Variants in SPNS3 observed in about 807,000 individuals in gnomAD.
SPNS3 encodes the protein SPNS lysolipid transporter 3, sphingosine-1-phosphate (putative), also known as protein spinster homolog 3.
In SPNS3, 51 loss-of-function variants were observed where a neutral mutation model predicts 54.4. The ratio of observed to expected loss-of-function variants is 0.94; its 90% CI spans 0.75 to 1.18. SPNS3 has a LOEUF of 1.18. Ranked by LOEUF, SPNS3 falls within the 50% of genes most tolerant of loss-of-function variation. The pLI is 0.00. For synonymous variants in SPNS3, 309 were observed against 294.7 expected (o/e 1.05, Z -0.50); for missense variants, 669 against 677.4 (o/e 0.99, Z 0.14).
At chr17:4,439,635 G>C (rs1398321023) in intron 1 of SPNS3, 23 bp from the exon 2 acceptor site, 5 of 1,609,338 alleles carry the variant, frequency 3.1e-6, no homozygotes, top group Non-Finnish European at 4.2e-6. Context: ...CCCGTTTCCT[G>C]AGCACTGTCC....
At chr17:4,442,158 G>A (rs1352626276) in intron 2 of SPNS3, among the ~76,000 whole-genome samples, 1 of 152,094 alleles carries the variant, frequency 6.6e-6, no homozygotes, top group Non-Finnish European at 1.5e-5. Flanking sequence ...CGGTTACCGT[G>A]CTATGGCCCT....
At chr17:4,459,085 G>A (rs1971424219) in intron 8 of SPNS3, among the ~76,000 whole-genome samples, 1 of 151,946 alleles carries the variant, frequency 6.6e-6, no homozygotes, top group Non-Finnish European at 1.5e-5. Context: ...GCCTTCAAGG[G>A]CCAGCTTACC....
intron 1 of SPNS3, among the ~76,000 whole-genome samples, chr17:4,438,334 G>A (rs1298467719): frequency 6.6e-6 from 1 of 152,204 alleles, no homozygotes; most frequent in Non-Finnish European, 1.5e-5. Context: ...TTCCTCATCT[G>A]TAGAATGGGG....
At chr17:4,446,006 T>C in intron 3 of SPNS3, 42 bp from the exon 4 acceptor site, 1 of 1,562,280 alleles carries the variant, frequency 6.4e-7, no homozygotes, top group Non-Finnish European at 8.7e-7. Context: ...GCCCTATGGG[T>C]GATTTCTGGA....
At chr17:4,452,203 C>A (rs1009860992) in intron 7 of SPNS3, among the ~76,000 whole-genome samples, 1 of 151,956 alleles carries the variant, frequency 6.6e-6, no homozygotes, top group Non-Finnish European at 1.5e-5. Context: ...CTCAAGCGAT[C>A]CTCCCGCCTC....
chr17:4,486,305 C>T lies in SPNS3; in HGVS notation c.1257C>T (p.Gly419=). ...TGGGCCACATCCTGGGAGACGCTGGCAGCCCCTATCTCACAGGACTTGTAA... is the reference window on the plus strand; with the variant it reads ...TGGGCCACATCCTGGGAGACGCTGGTAGCCCCTATCTCACAGGACTTGTAA... ...ITVGHILGDA[G]SPYLTGLISS... The change falls in exon 10 of 12, where the codon GGC becomes GGT. Residue 419 remains glycine, a synonymous_variant. Coordinates refer to ENST00000355530, the MANE Select transcript of SPNS3 (RefSeq NM_182538.5). The surrounding 1 kb of genome is among the most constrained non-coding windows in gnomAD (Gnocchi z 5.5). 1 of 1,596,560 alleles carries T rather than the reference C, an allele frequency of 6.3e-7. No individual in the cohort carries two copies. The highest frequency in any genetic ancestry group is 8.5e-7 in the Non-Finnish European group (1 of 1,173,736).
chr17:4,453,913 A>G (rs1296178196), intron 8 of SPNS3, among the ~76,000 whole-genome samples: 1 of 152,152 alleles, frequency 6.6e-6, no homozygotes, highest in Admixed American at 6.5e-5. Flanking sequence ...TTCCAAATCC[A>G]CATCCCATCA....
intron 8 of SPNS3, among the ~76,000 whole-genome samples, chr17:4,463,671 G>A (rs1971601023): frequency 6.7e-6 from 1 of 150,250 alleles, no homozygotes; most frequent in African/African-American, 2.4e-5. Context: ...CCCGGGAGGT[G>A]GAGGTTGCAG....
intron 7 of SPNS3, among the ~76,000 whole-genome samples, chr17:4,451,065 C>T (rs1971151265): frequency 6.6e-6 from 1 of 151,924 alleles, no homozygotes; most frequent in Non-Finnish European, 1.5e-5. Context: ...TTTCAGGCAG[C>T]CTGTCTAAAT....
At chr17:4,485,041 T>C (rs1051370377) in intron 9 of SPNS3, 5 of 152,118 alleles carry the variant, frequency 3.3e-5, no homozygotes, top group African/African-American at 1.2e-4. Context: ...GTACCTGAAC[T>C]CTGAGAGGGC....
chr17:4,485,943 A>G (rs372275756), intron 9 of SPNS3, among the ~76,000 whole-genome samples: 1 of 152,236 alleles, frequency 6.6e-6, no homozygotes, highest in South Asian at 2.1e-4. Context: ...CACTGTGGTC[A>G]CATGCATGCC....
Position 4,486,532 on chromosome 17 carries a change from A to G in SPNS3, c.1399A>G (p.Thr467Ala), listed in dbSNP as rs1972322268. The G allele has an allele frequency of 6.2e-7, 1 of 1,613,414 alleles. No individual in the cohort carries two copies. The highest frequency in any genetic ancestry group is 8.5e-7 in the Non-Finnish European group (1 of 1,179,902). The change falls in exon 11 of 12, where the codon ACT becomes GCT. Residue 467 changes from threonine (T) to alanine (A), a missense_variant. By Grantham distance (58) the Thr-to-Ala change is moderately conservative. Transcript: ENST00000355530. The surrounding 1 kb of genome is among the most constrained non-coding windows in gnomAD (Gnocchi z 5.5). Reference sequence around the variant, plus strand: ...CCTGGGGGGCGGCTGCTTCCTGCTGACTGCGCTGTACCTGGAGAGAGACGA... The same window carrying G: ...CCTGGGGGGCGGCTGCTTCCTGCTGGCTGCGCTGTACCTGGAGAGAGACGA... ...IALGGGCFLLTALYLERDETR... is the reference protein window; with the variant it reads ...IALGGGCFLLAALYLERDETR...
chr17:4,458,449 T>TC lies in SPNS3; in HGVS notation c.1113+5245dup, dbSNP rs1971377660. 2.6e-5 allele frequency among the ~76,000 whole-genome samples: 2 copies of TC among 76,596 alleles called. 1 individual carries two copies. The highest frequency in any genetic ancestry group is 3.6e-4 in the Admixed American group (2 of 5,622). The allele number at this position is 76,596 out of a possible 152,430, so 50.2% of individuals were successfully genotyped here. A position where few individuals can be genotyped will look rare whatever the true frequency, so the allele number is the denominator to read the frequency against. Reference sequence around the variant, plus strand: ...TTCTTTCCTTCCTCCCTCCCTCCCTTCTTTCTTCTTTCTTTCTTTCCATTT... The same window carrying TC: ...TTCTTTCCTTCCTCCCTCCCTCCCTTCCTTTCTTCTTTCTTTCTTTCCATTT... On this transcript the variant is annotated intron_variant, in intron 8 of 11. Transcript: ENST00000355530.
At position 4,460,152 on chromosome 17, in the gene SPNS3, C is replaced by T. The variant is rs1197246197; in HGVS notation, c.1113+6947C>T. ...AACAAGGCGGCTACTGTGATTAGTGCAGAGAGAGAAGTGGGAGAGGGACGT... is the reference window on the plus strand; with the variant it reads ...AACAAGGCGGCTACTGTGATTAGTGTAGAGAGAGAAGTGGGAGAGGGACGT... On this transcript the variant is annotated intron_variant, in intron 8 of 11. Coordinates refer to ENST00000355530, the MANE Select transcript of SPNS3 (RefSeq NM_182538.5). Among the ~76,000 whole-genome samples the T allele has an allele frequency of 4.6e-5, 7 of 152,166 alleles. No homozygotes were observed. In the East Asian group the frequency reaches 1.4e-3, roughly 29 times the overall value.
intron 6 of SPNS3, 79 bp from the exon 7 acceptor site, chr17:4,449,156 C>T: frequency 6.6e-7 from 1 of 1,512,288 alleles, no homozygotes; most frequent in Non-Finnish European, 8.9e-7. Flanking sequence ...TCCTAGACTG[C>T]CCAGGAGTGG....
At chr17:4,468,511 T>TC (rs1413414615) in intron 8 of SPNS3, among the ~76,000 whole-genome samples, 1 of 151,554 alleles carries the variant, frequency 6.6e-6, no homozygotes, top group African/African-American at 2.4e-5. Flanking sequence ...CCAGGGCGGC[T>TC]CCAAGGTTTT....
rs1971096158 is a variant in SPNS3 at position 4,449,388 on chromosome 17, G to GT, written c.923+2dup. ...AGGAGCCGTGCAGCAACCCCGACAG[G>GT]TGAGGGCATCCGGGGGCCCTGGGCA... On this transcript the variant is annotated splice_donor_variant, in intron 7 of 11. Transcript: ENST00000355530. LOFTEE classifies it high-confidence loss of function. 3 of 1,586,046 alleles carry GT rather than the reference G, an allele frequency of 1.9e-6. No individual in the cohort carries two copies.
rs536587287 is a variant in SPNS3 at position 4,471,867 on chromosome 17, G to GTT, written c.1114-6697_1114-6696dup. Among the ~76,000 whole-genome samples, 599 of 149,488 alleles carry GTT rather than the reference G, an allele frequency of 4.0e-3. 2 individuals are homozygous for GTT. The highest frequency in any genetic ancestry group is 0.014 in the African/African-American group (550 of 40,648). On this transcript the variant is annotated intron_variant, in intron 8 of 11. Transcript: ENST00000355530. ...ACCTATCTTTTAGGTTGGATTTTTT[G>GTT]TTTTTTTTTGAGACAGAGTCTCACT...
intron 1 of SPNS3, among the ~76,000 whole-genome samples, chr17:4,435,453 AT>A (rs1451808355): frequency 5.0e-4 from 74 of 147,320 alleles, no homozygotes; most frequent in African/African-American, 1.8e-3. Context: ...AAAAAAAAAA[AT>A]AAAAAATAAA....
Sources: gnomAD v4.1 joint callset for allele counts (sites outside exome capture counted in the v4.1 genomes callset) on GRCh38, gnomAD v4.1.1 for gene constraint, Gnocchi (gnomAD v3.1) non-coding constraint, MANE v1.5 for transcripts, NCBI Gene and HGNC (gene_info 2026-07-23, HGNC 2026-07-21) for gene names.